The following CTCF variants were observed in gnomAD, a reference collection of about 807,000 sequenced individuals.
The protein encoded by CTCF is CCCTC-binding factor, also known as transcriptional repressor CTCF.
CTCF carries 7 observed loss-of-function variants against 72.3 expected under a neutral mutation model. That is an observed-to-expected ratio of 0.10 (90% CI 0.06 to 0.18). The LOEUF is 0.18. Ranked by LOEUF, CTCF falls within the 10% of genes least tolerant of loss-of-function variation. The probability of loss-of-function intolerance (pLI) is 1.00; values close to 1 mark genes in which losing one functional copy is unlikely to be tolerated. For missense variants in CTCF, 516 were observed against 949.1 expected (o/e 0.54, Z 6.00); for synonymous variants, 374 against 315.8 (o/e 1.18, Z -1.95).
At chr16:67,579,341 C>T (rs955663236) in intron 2 of CTCF, among the ~76,000 whole-genome samples, 10 of 151,774 alleles carry the variant, frequency 6.6e-5, no homozygotes, top group Non-Finnish European at 1.3e-4. Context: ...GAGTTGTTTT[C>T]AATCTTTGTT....
intron 2 of CTCF, among the ~76,000 whole-genome samples, chr16:67,592,686 CAG>C (rs2051761125): frequency 6.6e-6 from 1 of 152,146 alleles, no homozygotes; most frequent in African/African-American, 2.4e-5. Context: ...GCCTGGGTGA[CAG>C]AGTGAGACTC....
chr16:67,575,422 A>G (rs1427313763), intron 2 of CTCF, among the ~76,000 whole-genome samples: 1 of 152,044 alleles, frequency 6.6e-6, no homozygotes, highest in Non-Finnish European at 1.5e-5. Context: ...CAGTTCTATT[A>G]GAGGTGACTT....
chr16:67,624,069 ATATGTGTGTGTGTGTGTGTGTG>A (rs1840615621), intron 7 of CTCF, among the ~76,000 whole-genome samples: 11 of 91,458 alleles, frequency 1.2e-4, no homozygotes, highest in African/African-American at 4.4e-4. Flanking sequence ...AAAAAATTAT[ATATGTGTGTGTGTGTGTGTGTG>A]TGTGTGTGTG....
intron 2 of CTCF, among the ~76,000 whole-genome samples, chr16:67,596,093 A>G (rs999765054): frequency 4.6e-5 from 7 of 151,952 alleles, no homozygotes; most frequent in African/African-American, 1.5e-4. Context: ...AGCTGGGTCT[A>G]TAGGTGCACG....
intron 5 of CTCF, among the ~76,000 whole-genome samples, chr16:67,619,100 G>A (rs1178638965): frequency 1.3e-5 from 2 of 152,184 alleles, no homozygotes; most frequent in African/African-American, 4.8e-5. Flanking sequence ...AACGCTGTTA[G>A]GATAGTTATC....
intron 7 of CTCF, among the ~76,000 whole-genome samples, chr16:67,625,016 C>G (rs1237185217): frequency 1.3e-5 from 2 of 152,150 alleles, no homozygotes; most frequent in East Asian, 1.9e-4. Context: ...CCACCACTTC[C>G]CTGGTTTAAA....
intron 7 of CTCF, among the ~76,000 whole-genome samples, chr16:67,623,566 T>C (rs1474065337): frequency 1.3e-5 from 2 of 150,502 alleles, no homozygotes; most frequent in African/African-American, 2.4e-5. Context: ...GCTTAAGAGG[T>C]AGAGGTTGCA....
At chr16:67,584,818 G>A (rs1361988489) in intron 2 of CTCF, among the ~76,000 whole-genome samples, 2 of 152,206 alleles carry the variant, frequency 1.3e-5, no homozygotes, top group Non-Finnish European at 2.9e-5. Context: ...GGTCATGGAT[G>A]TAGGACAAGT....
intron 1 of CTCF, among the ~76,000 whole-genome samples, chr16:67,564,879 TC>T (rs2051321967): frequency 6.6e-6 from 1 of 152,218 alleles, no homozygotes; most frequent in African/African-American, 2.4e-5. Context: ...ATAGACCTTT[TC>T]CACACAGTTG....
chr16:67,619,978 G>T (rs1218566491), intron 5 of CTCF, among the ~76,000 whole-genome samples: 1 of 152,152 alleles, frequency 6.6e-6, no homozygotes, highest in Non-Finnish European at 1.5e-5. Flanking sequence ...GAGGATGATA[G>T]AAGAGAGGCC....
intron 2 of CTCF, among the ~76,000 whole-genome samples, chr16:67,590,737 A>G (rs1054894132): frequency 6.6e-6 from 1 of 151,716 alleles, no homozygotes; most frequent in Non-Finnish European, 1.5e-5. Context: ...AGGGTGGATC[A>G]GCTGAGGTCA....
At position 67,611,084 on chromosome 16, in the gene CTCF, A is replaced by C. The variant is rs781769996; in HGVS notation, c.252A>C (p.Pro84=). The change falls in exon 3 of 12, where the codon CCA becomes CCC. Residue 84 remains proline, a synonymous_variant. Coordinates refer to ENST00000264010, the MANE Select transcript of CTCF (RefSeq NM_006565.4). ...KTEVMEGTVA[P]EAEAAVDDTQ... Reference sequence around the variant, plus strand: ...AAGTAATGGAGGGCACAGTGGCTCCAGAAGCAGAGGCTGCTGTGGACGATA... The same window carrying C: ...AAGTAATGGAGGGCACAGTGGCTCCCGAAGCAGAGGCTGCTGTGGACGATA... 1 of 1,614,094 alleles carries C rather than the reference A, an allele frequency of 6.2e-7. No homozygotes were observed. Among genetic ancestry groups the C allele is most frequent in the Non-Finnish European group, 8.5e-7 (1 of 1,180,038 alleles).
chr16:67,563,941 A>C (rs1252290477), intron 1 of CTCF: 1 of 152,192 alleles, frequency 6.6e-6, no homozygotes, highest in Non-Finnish European at 1.5e-5. Flanking sequence ...ATGAAATATG[A>C]GGGTTGATGT....
intron 2 of CTCF, among the ~76,000 whole-genome samples, chr16:67,605,347 C>T (rs1413070243): frequency 6.6e-6 from 1 of 152,178 alleles, no homozygotes; most frequent in Non-Finnish European, 1.5e-5. Flanking sequence ...AAGCATTCTA[C>T]AAATGTTCTT....
intron 2 of CTCF, among the ~76,000 whole-genome samples, chr16:67,608,688 T>C (rs2052012191): frequency 6.6e-6 from 1 of 152,078 alleles, no homozygotes. Flanking sequence ...ATGATAAATA[T>C]TATCACCAAA....
chr16:67,573,806 G>T (rs1230370119), intron 2 of CTCF, among the ~76,000 whole-genome samples: 1 of 152,092 alleles, frequency 6.6e-6, no homozygotes, highest in Non-Finnish European at 1.5e-5. Context: ...GCCAAGGTGG[G>T]CAGATTGCAA....
At chr16:67,588,847 C>T (rs770108585) in intron 2 of CTCF, among the ~76,000 whole-genome samples, 11 of 151,312 alleles carry the variant, frequency 7.3e-5, no homozygotes, top group African/African-American at 1.2e-4. Context: ...CCACCACACC[C>T]GGCTAATTTT....
At chr16:67,597,456 A>G (rs1287533580) in intron 2 of CTCF, among the ~76,000 whole-genome samples, 1 of 152,006 alleles carries the variant, frequency 6.6e-6, no homozygotes, top group Non-Finnish European at 1.5e-5. Context: ...TGTCTGCCTC[A>G]GCCTCCCGAG....
chr16:67,604,749 T>G (rs1273897188), intron 2 of CTCF, among the ~76,000 whole-genome samples: 1 of 121,914 alleles, frequency 8.2e-6, no homozygotes, highest in African/African-American at 4.1e-5. Context: ...TTTTTTGTTT[T>G]TTGTTTTTTT....
Sources: allele counts gnomAD v4.1 joint callset (sites outside exome capture counted in the v4.1 genomes callset), GRCh38; gene constraint gnomAD v4.1.1; transcripts MANE v1.5; gene names NCBI Gene and HGNC (gene_info 2026-07-23, HGNC 2026-07-21).